PLEKHG1: variants seen among roughly 807,000 people sequenced by gnomAD.
The protein encoded by PLEKHG1 is pleckstrin homology and RhoGEF domain containing G1, also known as pleckstrin homology domain-containing family G member 1.
A neutral mutation model predicts 100.8 loss-of-function variants in PLEKHG1; 44 were observed. The ratio of observed to expected loss-of-function variants is 0.44; its 90% CI spans 0.34 to 0.56. The LOEUF is 0.56. PLEKHG1 is among the 20% of genes least tolerant of loss of function. The probability of loss-of-function intolerance (pLI) is 0.01; values close to 1 mark genes in which losing one functional copy is unlikely to be tolerated. For missense variants in PLEKHG1, 1,545 were observed against 1,720.9 expected (o/e 0.90, Z 1.81); for synonymous variants, 640 against 662.5 (o/e 0.97, Z 0.52).
chr6:150,753,616 C>T (rs754846988), intron 2 of PLEKHG1, among the ~76,000 whole-genome samples: 1 of 152,062 alleles, frequency 6.6e-6, no homozygotes, highest in Non-Finnish European at 1.5e-5. Flanking sequence ...TTTATGGCCT[C>T]GTAAATGCTG....
chr6:150,815,079 TA>T (rs1351393070), intron 10 of PLEKHG1, among the ~76,000 whole-genome samples: 1 of 152,252 alleles, frequency 6.6e-6, no homozygotes, highest in Admixed American at 6.5e-5. Flanking sequence ...ATTTTCTATT[TA>T]AGCAGGATTA....
intron 3 of PLEKHG1, among the ~76,000 whole-genome samples, chr6:150,690,062 G>A (rs1780290520): frequency 6.6e-6 from 1 of 152,116 alleles, no homozygotes; most frequent in Non-Finnish European, 1.5e-5. Context: ...GTGAACTCAG[G>A]AAATCTGACA....
intron 1 of PLEKHG1, among the ~76,000 whole-genome samples, chr6:150,631,723 C>G (rs76829456): frequency 1.7e-3 from 258 of 152,296 alleles, no homozygotes; most frequent in African/African-American, 5.8e-3. Context: ...CGCTCCCCAC[C>G]TACAGATGCT....
In PLEKHG1 at chr6:150,817,695, T is replaced by C. The variant is rs576643629; in HGVS notation, c.1279-488T>C. Among the ~76,000 whole-genome samples, 3 of 151,954 alleles carry C rather than the reference T, an allele frequency of 2.0e-5. No homozygotes were observed. In the East Asian group the frequency reaches 5.8e-4, roughly 30 times the overall value. ...GCCTCAGCCTCCCTGTTAGCTGGGA[T>C]TACAGGCACCCGCCACCATGCCTGG... On this transcript the variant is annotated intron_variant, in intron 10 of 15. Coordinates refer to ENST00000358517, the Ensembl canonical transcript of PLEKHG1.
intron 6 of PLEKHG1, among the ~76,000 whole-genome samples, chr6:150,801,531 G>A (rs1786707901): frequency 1.3e-5 from 2 of 149,678 alleles, no homozygotes; most frequent in South Asian, 4.2e-4. Context: ...TCCGCCTCCT[G>A]GGCTCAAGCA....
exon 16 of PLEKHG1, chr6:150,843,389 G>T (rs1777615349): frequency 6.6e-6 from 1 of 151,710 alleles, no homozygotes; most frequent in African/African-American, 2.4e-5. Flanking sequence ...TTTTTTTCCT[G>T]AAAGTTATCA....
At chr6:150,751,509 A>G (rs892181817) in intron 2 of PLEKHG1, among the ~76,000 whole-genome samples, 10 of 152,250 alleles carry the variant, frequency 6.6e-5, no homozygotes, top group Admixed American at 3.9e-4. Context: ...AAATGCAACC[A>G]GGAAATAAGT....
intron 1 of PLEKHG1, among the ~76,000 whole-genome samples, chr6:150,630,974 A>G (rs1378739086): frequency 1.3e-5 from 2 of 152,110 alleles, no homozygotes; most frequent in African/African-American, 4.8e-5. Context: ...TTGCAGTGAG[A>G]AGGTCATTGG....
chr6:150,804,526 C>T lies in PLEKHG1; in HGVS notation c.781-84C>T, dbSNP rs192136641. 536 of 1,108,416 alleles carry T rather than the reference C, an allele frequency of 4.8e-4. 2 individuals are homozygous for T. The African/African-American group carries it at 6.4e-3, about 13-fold the overall frequency. The allele number at this position is 1,108,416 out of a possible 1,614,324, so 68.7% of individuals were successfully genotyped here. On this transcript the variant is annotated intron_variant, in intron 6 of 15. Coordinates refer to ENST00000358517, the Ensembl canonical transcript of PLEKHG1. The stretch of plus-strand genomic sequence containing the variant: ...ATAAGCAAAAATAAAATATAAGGAA[C>T]TAATCATAGCGGTGCCATTTGTTTC...
chr6:150,734,508 C>T (rs1402799601), intron 2 of PLEKHG1, among the ~76,000 whole-genome samples: 2 of 152,166 alleles, frequency 1.3e-5, no homozygotes, highest in East Asian at 3.8e-4. Flanking sequence ...CCGGGAGCTT[C>T]CAAAACTACT....
At position 150,817,368 on chromosome 6, in the gene PLEKHG1, A is replaced by G. The variant is rs529866153; in HGVS notation, c.1279-815A>G. On this transcript the variant is annotated intron_variant, in intron 10 of 15. Coordinates refer to ENST00000358517, the Ensembl canonical transcript of PLEKHG1. Reference sequence around the variant, plus strand: ...TTGGGGAAACAGAGAGACTTAGCTCATGATAATCACAGCATTCTGCAGGAG... The same window carrying G: ...TTGGGGAAACAGAGAGACTTAGCTCGTGATAATCACAGCATTCTGCAGGAG... Among the ~76,000 whole-genome samples the G allele has an allele frequency of 5.3e-5, 8 of 152,314 alleles. No individual in the cohort carries two copies. In the East Asian group the frequency reaches 7.7e-4, roughly 15 times the overall value.
upstream of PLEKHG1, among the ~76,000 whole-genome samples, chr6:150,720,634 A>T (rs76506994): frequency 2.0e-3 from 291 of 146,730 alleles, 9 homozygotes; most frequent in East Asian, 0.046. Flanking sequence ...CCCAACCTGC[A>T]TTTTAAAACT....
At chr6:150,804,176 T>TATATATATATATA (rs55868220) in intron 6 of PLEKHG1, among the ~76,000 whole-genome samples, 13 of 24,772 alleles carry the variant, frequency 5.2e-4, no homozygotes, top group East Asian at 1.3e-3. Context: ...TATATATATA[T>TATATATATATATA]TTTTTTTTTT....
intron 2 of PLEKHG1, among the ~76,000 whole-genome samples, chr6:150,639,173 A>G (rs974369923): frequency 6.6e-6 from 1 of 152,228 alleles, no homozygotes; most frequent in Non-Finnish European, 1.5e-5. Flanking sequence ...ATCTCTGAGT[A>G]CAGTGTTTTA....
intron 3 of PLEKHG1, among the ~76,000 whole-genome samples, chr6:150,691,703 A>G (rs1780355547): frequency 6.6e-6 from 1 of 152,188 alleles, no homozygotes; most frequent in Non-Finnish European, 1.5e-5. Context: ...TCTTCTATCA[A>G]TAGAATGGTT....
chr6:150,843,471 A>C (rs773091454), exon 16 of PLEKHG1: 5 of 152,178 alleles, frequency 3.3e-5, no homozygotes, highest in Non-Finnish European at 7.3e-5. Context: ...AGTTATATGT[A>C]CTTTAAAGTA....
chr6:150,655,150 C>T (rs1358773674), intron 3 of PLEKHG1, among the ~76,000 whole-genome samples: 1 of 152,118 alleles, frequency 6.6e-6, no homozygotes, highest in Non-Finnish European at 1.5e-5. Flanking sequence ...AAAAAGTCTC[C>T]TAGAGAAATA....
At chr6:150,809,944 C>T (rs1427993776) in intron 10 of PLEKHG1, among the ~76,000 whole-genome samples, 1 of 149,888 alleles carries the variant, frequency 6.7e-6, no homozygotes, top group African/African-American at 2.5e-5. Flanking sequence ...AACGGTTAAT[C>T]TGATCATTTA....
intron 1 of PLEKHG1, among the ~76,000 whole-genome samples, chr6:150,618,680 A>G (rs1777165719): frequency 6.6e-6 from 1 of 152,208 alleles, no homozygotes; most frequent in Non-Finnish European, 1.5e-5. Flanking sequence ...ATTTAATTTT[A>G]AATGTATATT....
Sources: allele counts gnomAD v4.1 joint callset (sites outside exome capture counted in the v4.1 genomes callset), GRCh38; gene constraint gnomAD v4.1.1; transcripts MANE v1.5; gene names NCBI Gene and HGNC (gene_info 2026-07-23, HGNC 2026-07-21).